The following VIPR1 variants were observed in gnomAD, a reference collection of about 807,000 sequenced individuals.
VIPR1 encodes the protein vasoactive intestinal polypeptide receptor 1.
Under a neutral mutation model 58.8 loss-of-function variants are expected in VIPR1, and 59 were observed. The observed-to-expected ratio is 1.00, with a 90% CI of 0.81 to 1.25. VIPR1 has a LOEUF of 1.25. Ranked by LOEUF, VIPR1 falls within the 50% of genes most tolerant of loss-of-function variation. The pLI, the probability that VIPR1 is intolerant of heterozygous loss-of-function variation, is 0.00. For synonymous variants in VIPR1, 251 were observed against 242.1 expected, an observed-to-expected ratio of 1.04 and a Z score of -0.34; for missense variants, 626 against 602.7, an observed-to-expected ratio of 1.04 and a Z score of -0.40.
chr3:42,496,499 T>C (rs1351435642), intron 1 of VIPR1, among the ~76,000 whole-genome samples: 2 of 152,216 alleles, frequency 1.3e-5, no homozygotes, highest in Non-Finnish European at 2.9e-5. Context: ...GAGATGTGGC[T>C]CTCCTTATTC....
Position 42,527,480 on chromosome 3 carries a change from A to ATCCTGAGCC in VIPR1, c.489_497dup (p.Leu164_Leu166dup). 1 of 1,613,836 alleles carries ATCCTGAGCC rather than the reference A, an allele frequency of 6.2e-7. No homozygotes were observed. Among genetic ancestry groups the ATCCTGAGCC allele is most frequent in the Non-Finnish European group, 8.5e-7 (1 of 1,179,958 alleles). ...CGCCACCCTTCTGGTCGCCACAGCT[A>ATCCTGAGCC]TCCTGAGCCTGTTCAGGTGAGGCCC... On this transcript the variant is annotated inframe_insertion, in exon 5 of 13. Coordinates refer to ENST00000325123, the MANE Select transcript of VIPR1 (RefSeq NM_004624.4).
At position 42,521,780 on chromosome 3, in the gene VIPR1, C is replaced by T. The variant is rs139274574; in HGVS notation, c.292+2450C>T. On this transcript the variant is annotated intron_variant, in intron 3 of 12. Transcript: ENST00000325123. Reference sequence around the variant, plus strand: ...ATTAATGTTTTGAGATAGAGTCTTGCTCTGTCACCCAGGCTGCAGTGCAGT... The same window carrying T: ...ATTAATGTTTTGAGATAGAGTCTTGTTCTGTCACCCAGGCTGCAGTGCAGT... Among the ~76,000 whole-genome samples, 1,452 of 152,148 alleles carry T rather than the reference C, an allele frequency of 9.5e-3. 33 individuals are homozygous for T. Among genetic ancestry groups the T allele is most frequent in the African/African-American group, 0.033 (1,387 of 41,490 alleles).
rs1241906743 is a variant in VIPR1 at position 42,519,314 on chromosome 3, CT to C, written c.278del (p.Phe93SerfsTer9). 2.5e-6 allele frequency: 4 copies of C among 1,609,550 alleles called. No individual in the cohort carries two copies. Among genetic ancestry groups the C allele is most frequent in the Admixed American group, 1.7e-5 (1 of 59,374 alleles). On this transcript the variant is annotated frameshift_variant, in exon 3 of 13. Transcript: ENST00000325123. LOFTEE classifies it high-confidence loss of function. ...VLACPLIFKL[F>X]SSIQGRNVSR... ...TGGCCTGTCCCCTCATCTTCAAGCT[CT>C]TCTCCTCCATTCAAGGTAAGACCCC...
upstream of VIPR1, chr3:42,500,446 A>G (rs952349479): frequency 8.5e-5 from 13 of 152,286 alleles, no homozygotes; most frequent in Admixed American, 5.2e-4. Context: ...GAGCAGGAGA[A>G]CTTCAACAAC....
intron 12 of VIPR1, among the ~76,000 whole-genome samples, chr3:42,535,703 G>T (rs1299181383): frequency 1.3e-5 from 2 of 152,210 alleles, no homozygotes; most frequent in African/African-American, 4.8e-5. Context: ...TGTGTGCAGT[G>T]AGTGGGGAGG....
intron 1 of VIPR1, chr3:42,512,908 T>A (rs1700428321): frequency 2.0e-6 from 2 of 985,478 alleles, no homozygotes; most frequent in Non-Finnish European, 2.4e-6. Context: ...TTTCTGGCTA[T>A]TCCTAGACAG....
intron 1 of VIPR1, among the ~76,000 whole-genome samples, chr3:42,504,192 A>T (rs1700004750): frequency 6.6e-6 from 1 of 152,050 alleles, no homozygotes; most frequent in Non-Finnish European, 1.5e-5. Context: ...GGTTCAAGCC[A>T]CTCAAACTCT....
chr3:42,520,639 A>G (rs1426730975), intron 3 of VIPR1, among the ~76,000 whole-genome samples: 1 of 152,084 alleles, frequency 6.6e-6, no homozygotes, highest in Non-Finnish European at 1.5e-5. Context: ...AGGGAGGGGC[A>G]GGCCTAGAGT....
chr3:42,505,546 T>A (rs866320772), intron 1 of VIPR1, among the ~76,000 whole-genome samples: 1 of 152,322 alleles, frequency 6.6e-6, no homozygotes, highest in East Asian at 1.9e-4. Flanking sequence ...CATGGCTGCA[T>A]CTGGGTCAGG....
upstream of VIPR1, chr3:42,501,863 C>G (rs1412359433): frequency 6.6e-6 from 1 of 152,286 alleles, no homozygotes; most frequent in Non-Finnish European, 1.5e-5. The surrounding 1 kb of genome is among the most constrained non-coding windows in gnomAD (Gnocchi z 4.8). Context: ...GCACTTCAGC[C>G]CAGCCTCCCT....
chr3:42,530,786 G>C lies in VIPR1; in HGVS notation c.644G>C (p.Cys215Ser). Residue 215 changes from cysteine to serine, a missense_variant, in exon 7 of 13, where the codon TGT becomes TCT. By Grantham distance (112) the Cys-to-Ser change is moderately radical. Transcript: ENST00000325123. ...TTTCTCCTCCCCCTGCAGGTGGGCT[G>C]TAAGGCAGCCATGGTCTTTTTCCAA... ...SDQCSEGSVG[C>S]KAAMVFFQYC... 6.2e-7 allele frequency: 1 copy of C among 1,614,024 alleles called. No individual in the cohort carries two copies. Among genetic ancestry groups the C allele is most frequent in the Non-Finnish European group, 8.5e-7 (1 of 1,179,900 alleles).
At chr3:42,499,609 C>T (rs1382537736), upstream of VIPR1, among the ~76,000 whole-genome samples, 1 of 152,186 alleles carries the variant, frequency 6.6e-6, no homozygotes, top group East Asian at 1.9e-4. Context: ...GCAAGAAGGA[C>T]ATGGGGGAAC....
intron 3 of VIPR1, 39 bp from the exon 4 acceptor site, chr3:42,525,848 C>G (rs756818716): frequency 6.4e-7 from 1 of 1,553,152 alleles, no homozygotes; most frequent in Admixed American, 1.9e-5. Context: ...CCCATGCTCC[C>G]GGCCTCAGCC....
rs1268639639 is a variant in VIPR1, at chr3:42,524,633, G to A, written c.293-1254G>A. ...GAAATGGTGAATATGGAATCACCTG[G>A]TATATTCCGGGCATACGGCAAAGTT... On this transcript the variant is annotated intron_variant, in intron 3 of 12. Coordinates refer to ENST00000325123, the MANE Select transcript of VIPR1 (RefSeq NM_004624.4). Among the ~76,000 whole-genome samples the A allele has an allele frequency of 2.0e-5, 3 of 152,178 alleles. No homozygotes were observed. In the East Asian group the frequency reaches 5.8e-4, roughly 29 times the overall value.
chr3:42,491,046 G>A (rs342519), intron 1 of VIPR1, among the ~76,000 whole-genome samples: 104,648 of 151,912 alleles, frequency 0.69, 36,561 homozygotes, highest in East Asian at 0.92. Flanking sequence ...AGAGAAATGT[G>A]TTAAATAACA....
At chr3:42,520,011 C>T (rs6797853) in intron 3 of VIPR1, among the ~76,000 whole-genome samples, 4,802 of 152,166 alleles carry the variant, frequency 0.032, 173 homozygotes, top group African/African-American at 0.091. Context: ...AAGTGCTGGA[C>T]GAGAGAATAA....
chr3:42,535,035 C>T lies in VIPR1; in HGVS notation c.1071C>T (p.Phe357=), dbSNP rs371839610. Residue 357 remains phenylalanine, a synonymous_variant, in exon 11 of 13, where the codon TTC becomes TTT. Coordinates refer to ENST00000325123, the MANE Select transcript of VIPR1 (RefSeq NM_004624.4). ...IPLFGVHYIM[F]AFFPDNFKPE... Reference sequence around the variant, plus strand: ...TGTTTGGAGTACACTACATCATGTTCGCCTTCTTTCCGGACAATTTTAAGC... The same window carrying T: ...TGTTTGGAGTACACTACATCATGTTTGCCTTCTTTCCGGACAATTTTAAGC... The T allele has an allele frequency of 7.3e-5, 118 of 1,614,052 alleles. No individual in the cohort carries two copies. Among genetic ancestry groups the T allele is most frequent in the Non-Finnish European group, 8.6e-5 (101 of 1,180,030 alleles).
intron 3 of VIPR1, among the ~76,000 whole-genome samples, chr3:42,525,524 C>CA (rs1251458721): frequency 3.3e-5 from 5 of 152,152 alleles, no homozygotes. Flanking sequence ...GGCCTTGTGA[C>CA]AAGGGTCAGC....
chr3:42,510,931 C>T (rs141301156), intron 1 of VIPR1, among the ~76,000 whole-genome samples: 63 of 152,164 alleles, frequency 4.1e-4, no homozygotes, highest in Non-Finnish European at 7.9e-4. Flanking sequence ...ATCCTAGGCG[C>T]CCATGGTGAT....
Sources: gnomAD v4.1 joint callset for allele counts (sites outside exome capture counted in the v4.1 genomes callset) on GRCh38, gnomAD v4.1.1 for gene constraint, Gnocchi (gnomAD v3.1) non-coding constraint, MANE v1.5 for transcripts, NCBI Gene and HGNC (gene_info 2026-07-23, HGNC 2026-07-21) for gene names.